The following DLGAP2 variants were observed in gnomAD, a reference collection of about 807,000 sequenced individuals.
DLGAP2 encodes the protein DLG associated protein 2, also known as disks large-associated protein 2.
A neutral mutation model predicts 100.3 loss-of-function variants in DLGAP2; 26 were observed. That is an observed-to-expected ratio of 0.26 (90% confidence interval 0.19 to 0.36). The LOEUF (loss-of-function observed/expected upper bound fraction) is 0.36. Among genes scored for constraint, DLGAP2 ranks in the 10% least tolerant of loss-of-function variants. The pLI is 1.00. For synonymous variants in DLGAP2, 886 were observed against 630.1 expected, an observed-to-expected ratio of 1.41 and a Z score of -6.08; for missense variants, 1,858 against 1,453.2, an observed-to-expected ratio of 1.28 and a Z score of -4.53.
intron 3 of DLGAP2, among the ~76,000 whole-genome samples, chr8:1,430,872 A>G (rs1563142749): frequency 6.6e-6 from 1 of 152,220 alleles, no homozygotes. Context: ...GATATCAGGC[A>G]TTGGCAATAA....
intron 2 of DLGAP2, among the ~76,000 whole-genome samples, chr8:1,238,257 C>A (rs1184028983): frequency 7.0e-5 from 4 of 57,066 alleles, no homozygotes; most frequent in African/African-American, 1.8e-4. Flanking sequence ...GTCTAGTTCT[C>A]TCACATGGTA....
chr8:1,381,959 T>G (rs1280723540), intron 3 of DLGAP2, among the ~76,000 whole-genome samples: 1 of 152,146 alleles, frequency 6.6e-6, no homozygotes, highest in Non-Finnish European at 1.5e-5. Context: ...TACACAGTGT[T>G]TTTTAGATTA....
Position 1,378,729 on chromosome 8 carries a change from G to A in DLGAP2, c.106+119846G>A, listed in dbSNP as rs1013877164. Among the ~76,000 whole-genome samples the A allele has an allele frequency of 5.3e-5, 8 of 152,350 alleles. 1 individual carries two copies. The highest frequency in any genetic ancestry group is 6.8e-3 in the Middle Eastern group (2 of 294). ...CACCCTCATTTTTGGAAAGTCACAC[G>A]TTTTGCTTTCATTCTAATTTACATT... On this transcript the variant is annotated intron_variant, in intron 3 of 14. Coordinates refer to ENST00000637795, the MANE Select transcript of DLGAP2 (RefSeq NM_001346810.2).
chr8:1,242,550 G>A (rs1433852894), intron 2 of DLGAP2, among the ~76,000 whole-genome samples: 1 of 152,194 alleles, frequency 6.6e-6, no homozygotes, highest in Non-Finnish European at 1.5e-5. Context: ...ATTTCCTCAA[G>A]GAAGCTCCCC....
intron 3 of DLGAP2, among the ~76,000 whole-genome samples, chr8:1,308,853 A>C (rs1164376214): frequency 6.6e-6 from 1 of 152,206 alleles, no homozygotes; most frequent in Non-Finnish European, 1.5e-5. Flanking sequence ...AATTTTCTTA[A>C]ATATGCCCCA....
At chr8:851,003 G>C (rs142507721) in intron 1 of DLGAP2, among the ~76,000 whole-genome samples, 25 of 152,276 alleles carry the variant, frequency 1.6e-4, no homozygotes, top group African/African-American at 5.3e-4. Flanking sequence ...AACAAGTAGA[G>C]ACGCAGCAAA....
chr8:809,455 C>T (rs1796328112), intron 1 of DLGAP2, among the ~76,000 whole-genome samples: 2 of 104,030 alleles, frequency 1.9e-5, no homozygotes, highest in African/African-American at 3.8e-5. Flanking sequence ...CTGTCTCTGG[C>T]AGGTTTTTTT....
intron 3 of DLGAP2, among the ~76,000 whole-genome samples, chr8:1,438,674 G>A (rs1217007391): frequency 6.6e-6 from 1 of 152,102 alleles, no homozygotes; most frequent in African/African-American, 2.4e-5. Context: ...CTCCTCCAAG[G>A]GCAGGATTTG....
chr8:1,152,215 T>C (rs183049229), intron 2 of DLGAP2, among the ~76,000 whole-genome samples: 1 of 152,388 alleles, frequency 6.6e-6, no homozygotes, highest in East Asian at 1.9e-4. Context: ...TCCTTCGAAT[T>C]CTTTATATAT....
At chr8:1,228,695 A>G (rs1341737439) in intron 2 of DLGAP2, among the ~76,000 whole-genome samples, 1 of 152,234 alleles carries the variant, frequency 6.6e-6, no homozygotes, top group Non-Finnish European at 1.5e-5. Context: ...AAATGACATC[A>G]ACTCAATAGG....
intron 2 of DLGAP2, among the ~76,000 whole-genome samples, chr8:985,105 C>G (rs10102113): frequency 0.28 from 43,002 of 152,114 alleles, 7,390 homozygotes; most frequent in Admixed American, 0.39. Context: ...CATATCTTGA[C>G]AGTGATCATG....
chr8:1,226,162 A>C (rs776113654), intron 2 of DLGAP2, among the ~76,000 whole-genome samples: 1 of 152,196 alleles, frequency 6.6e-6, no homozygotes, highest in African/African-American at 2.4e-5. Flanking sequence ...TTCTGTTATA[A>C]AGATGCATGC....
intron 2 of DLGAP2, among the ~76,000 whole-genome samples, chr8:1,232,518 C>A (rs1351362565): frequency 6.6e-6 from 1 of 152,258 alleles, no homozygotes; most frequent in African/African-American, 2.4e-5. Context: ...TTTCCTCTTG[C>A]ATCACTGTGC....
intron 3 of DLGAP2, among the ~76,000 whole-genome samples, chr8:1,425,849 A>G (rs1194243696): frequency 6.6e-6 from 1 of 152,216 alleles, no homozygotes; most frequent in Non-Finnish European, 1.5e-5. Flanking sequence ...AGTTCAGTTC[A>G]GTGCCTGAGG....
chr8:1,574,824 C>T (rs923153427), intron 6 of DLGAP2, among the ~76,000 whole-genome samples: 6 of 152,294 alleles, frequency 3.9e-5, no homozygotes, highest in Admixed American at 3.3e-4. Flanking sequence ...CACGAACATA[C>T]GTGTGACAGG....
intron 1 of DLGAP2, among the ~76,000 whole-genome samples, chr8:781,072 A>C (rs1454449698): frequency 6.6e-6 from 1 of 152,234 alleles, no homozygotes; most frequent in African/African-American, 2.4e-5. Context: ...ATATGTATAG[A>C]TAACCCCTTT....
At chr8:810,206 C>G (rs1796346807) in intron 1 of DLGAP2, among the ~76,000 whole-genome samples, 1 of 152,242 alleles carries the variant, frequency 6.6e-6, no homozygotes, top group South Asian at 2.1e-4. Flanking sequence ...CTCCCCACTT[C>G]TAATCTTTGC....
intron 3 of DLGAP2, among the ~76,000 whole-genome samples, chr8:1,411,490 G>A (rs1436936038): frequency 6.6e-6 from 1 of 152,168 alleles, no homozygotes; most frequent in Non-Finnish European, 1.5e-5. Context: ...GCTTGCCTCC[G>A]GCTCCCTAGC....
rs566430632 is a variant in DLGAP2, at chr8:1,432,517, G to T, written c.107-68849G>T. Reference sequence around the variant, plus strand: ...GAAATTGCCACTGAAATTGTTGACTGGGGAGAGGAGACAAAAGAGATGGGC... The same window carrying T: ...GAAATTGCCACTGAAATTGTTGACTTGGGAGAGGAGACAAAAGAGATGGGC... On this transcript the variant is annotated intron_variant, in intron 3 of 14. Coordinates refer to ENST00000637795, the MANE Select transcript of DLGAP2 (RefSeq NM_001346810.2). Among the ~76,000 whole-genome samples the T allele has an allele frequency of 2.6e-5, 4 of 152,336 alleles. No homozygotes were observed. In the East Asian group the frequency reaches 7.7e-4, roughly 29 times the overall value.
Sources: gnomAD v4.1 joint callset for allele counts (sites outside exome capture counted in the v4.1 genomes callset) on GRCh38, gnomAD v4.1.1 for gene constraint, MANE v1.5 for transcripts, NCBI Gene and HGNC (gene_info 2026-07-23, HGNC 2026-07-21) for gene names.